Variants in UGT1A7 observed in about 807,000 individuals in gnomAD.
UGT1A7 encodes the protein UDP glucuronosyltransferase family 1 member A7, also known as UDP-glucuronosyltransferase 1A7.
In UGT1A7, 33 loss-of-function variants were observed where a neutral mutation model predicts 45.6. The ratio of observed to expected loss-of-function variants is 0.72; its 90% CI spans 0.55 to 0.97. The LOEUF is 0.97. UGT1A7 is among the 50% of genes least tolerant of loss of function. UGT1A7 has a pLI of 0.00. For missense variants in UGT1A7, 684 were observed against 666.2 expected (o/e 1.03, Z -0.29); for synonymous variants, 274 against 250.6 (o/e 1.09, Z -0.88).
chr2:233,760,385 T>A (rs368348566), intron 1 of UGT1A7: 30 of 1,614,058 alleles, frequency 1.9e-5, no homozygotes, highest in Non-Finnish European at 2.5e-5. Flanking sequence ...ATACTGTTGA[T>A]CCCAGTGGAT....
chr2:233,750,351 C>G (rs148166585), intron 1 of UGT1A7, among the ~76,000 whole-genome samples: 13 of 151,972 alleles, frequency 8.6e-5, no homozygotes, highest in African/African-American at 2.4e-4. Context: ...GAAATTGGAA[C>G]TTATGTTTAA....
chr2:233,746,319 G>C (rs1444609554), intron 1 of UGT1A7, among the ~76,000 whole-genome samples: 1 of 151,794 alleles, frequency 6.6e-6, no homozygotes, highest in Admixed American at 6.5e-5. Flanking sequence ...CCCTGTAGAT[G>C]ATCTACAGGG....
chr2:233,729,290 G>C (rs1376789035), intron 1 of UGT1A7: 3 of 1,614,236 alleles, frequency 1.9e-6, no homozygotes, highest in East Asian at 4.5e-5. Context: ...CATGCCAGAG[G>C]CCACCAGGCA....
At chr2:233,757,576 G>A (rs1017226223) in intron 1 of UGT1A7, among the ~76,000 whole-genome samples, 2 of 82,708 alleles carry the variant, frequency 2.4e-5, no homozygotes, top group African/African-American at 1.1e-4. Flanking sequence ...ATATGATATA[G>A]CTATAGTCTA....
At chr2:233,692,037 A>G (rs2075074158) in intron 1 of UGT1A7, 1 of 152,220 alleles carries the variant, frequency 6.6e-6, no homozygotes, top group Non-Finnish European at 1.5e-5. Context: ...TTGCCAGGGA[A>G]CAAAACCCTT....
chr2:233,715,089 T>C (rs1480789668), intron 1 of UGT1A7, among the ~76,000 whole-genome samples: 2 of 152,174 alleles, frequency 1.3e-5, no homozygotes, highest in East Asian at 3.9e-4. Flanking sequence ...TTTCATCATA[T>C]TGGCCAGGCT....
chr2:233,724,897 A>G (rs1186168071), intron 1 of UGT1A7, among the ~76,000 whole-genome samples: 1 of 137,504 alleles, frequency 7.3e-6, no homozygotes, highest in Non-Finnish European at 1.5e-5. Flanking sequence ...ACTGCACTCC[A>G]GCCTGGGCAC....
intron 1 of UGT1A7, among the ~76,000 whole-genome samples, chr2:233,734,104 A>T (rs1173344990): frequency 6.6e-6 from 1 of 151,308 alleles, no homozygotes; most frequent in African/African-American, 2.4e-5. Context: ...CTTAAAGTAT[A>T]ATAATAATAA....
intron 1 of UGT1A7, among the ~76,000 whole-genome samples, chr2:233,695,066 C>T (rs575360718): frequency 6.6e-6 from 1 of 152,092 alleles, no homozygotes; most frequent in African/African-American, 2.4e-5. Flanking sequence ...TGTGCTATCG[C>T]ACTTTGGACT....
chr2:233,728,143 T>C (rs2077685239), intron 1 of UGT1A7, among the ~76,000 whole-genome samples: 1 of 152,216 alleles, frequency 6.6e-6, no homozygotes, highest in African/African-American at 2.4e-5. Flanking sequence ...CCCCACAAAT[T>C]GTGCAGCCCA....
At chr2:233,684,108 T>C (rs1313036466) in intron 1 of UGT1A7, among the ~76,000 whole-genome samples, 2 of 152,210 alleles carry the variant, frequency 1.3e-5, no homozygotes, top group Admixed American at 6.5e-5. Flanking sequence ...TTTTATCTAT[T>C]GTTCTGGCTT....
intron 1 of UGT1A7, among the ~76,000 whole-genome samples, chr2:233,748,667 G>T (rs899453782): frequency 7.9e-5 from 12 of 151,802 alleles, no homozygotes; most frequent in Middle Eastern, 3.4e-3. Flanking sequence ...TTTCCAGAGA[G>T]GGATCTGTGC....
intron 1 of UGT1A7, among the ~76,000 whole-genome samples, chr2:233,758,813 G>T (rs1033516774): frequency 6.6e-6 from 1 of 152,176 alleles, no homozygotes; most frequent in Non-Finnish European, 1.5e-5. Context: ...TAGTACAGCA[G>T]TATATCCCCC....
chr2:233,751,854 T>C (rs1435480079), intron 1 of UGT1A7, among the ~76,000 whole-genome samples: 3 of 152,196 alleles, frequency 2.0e-5, no homozygotes, highest in Non-Finnish European at 4.4e-5. Context: ...TAAACCTTTG[T>C]CTTTTATAAA....
chr2:233,762,815 T>C (rs1334118608), intron 1 of UGT1A7, among the ~76,000 whole-genome samples: 4 of 152,182 alleles, frequency 2.6e-5, no homozygotes, highest in Non-Finnish European at 5.9e-5. Flanking sequence ...ATCAAAATAT[T>C]GATTTTCATA....
intron 1 of UGT1A7, among the ~76,000 whole-genome samples, chr2:233,728,459 T>G (rs570780705): frequency 6.6e-6 from 1 of 152,268 alleles, no homozygotes; most frequent in South Asian, 2.1e-4. Context: ...CTCAACAAAG[T>G]CTTCCCAAGA....
intron 1 of UGT1A7, among the ~76,000 whole-genome samples, chr2:233,728,362 AC>A (rs1475063601): frequency 1.3e-5 from 2 of 152,120 alleles, no homozygotes; most frequent in East Asian, 3.9e-4. Flanking sequence ...AGCTCCCTGA[AC>A]CCACCATGGG....
intron 1 of UGT1A7, among the ~76,000 whole-genome samples, chr2:233,688,262 C>T (rs1179376134): frequency 2.6e-5 from 4 of 152,160 alleles, no homozygotes; most frequent in Admixed American, 1.3e-4. Flanking sequence ...TTTACATGGC[C>T]GAATATTCCA....
chr2:233,769,665 G>T lies in UGT1A7; in HGVS notation c.1295+1226G>T. 6.3e-7 allele frequency: 1 copy of T among 1,592,194 alleles called. No homozygotes were observed. The highest frequency in any genetic ancestry group is 1.1e-5 in the South Asian group (1 of 88,390). The stretch of plus-strand genomic sequence containing the variant: ...TGATGACTGACTTCCCACCTTTGAG[G>T]TGCTAATGTGTGTGTGGTGGCACTG... On this transcript the variant is annotated intron_variant, in intron 4 of 4. Transcript: ENST00000373426. The surrounding 1 kb of genome is among the most constrained non-coding windows in gnomAD (Gnocchi z 4.4).
Sources: gnomAD v4.1 joint callset for allele counts (sites outside exome capture counted in the v4.1 genomes callset) on GRCh38, gnomAD v4.1.1 for gene constraint, Gnocchi (gnomAD v3.1) non-coding constraint, MANE v1.5 for transcripts, NCBI Gene and HGNC (gene_info 2026-07-23, HGNC 2026-07-21) for gene names.